The following OR5B17 variants were observed in gnomAD, a reference collection of about 807,000 sequenced individuals.
OR5B17 encodes the protein olfactory receptor family 5 subfamily B member 17, also known as olfactory receptor 5B17.
For synonymous variants in OR5B17, 150 were observed against 135.8 expected (o/e 1.10, Z -0.73); for missense variants, 444 against 378.7 (o/e 1.17, Z -1.43).
In OR5B17 at chr11:58,358,383, A is replaced by G. The variant is rs1854521947; in HGVS notation, c.687T>C (p.Gly229=). The change falls in exon 1 of 1, where the codon GGT becomes GGC. Residue 229 remains glycine (G), a synonymous_variant. Coordinates refer to ENST00000357377, the MANE Select transcript of OR5B17 (RefSeq NM_001005489.2). ...TAGATAAAGGCTTCTGGTATCCCTTACCTGTGTGCCTCTTAAGAATGGTGA... is the reference window on the plus strand; with the variant it reads ...TAGATAAAGGCTTCTGGTATCCCTTGCCTGTGTGCCTCTTAAGAATGGTGA... ...ILITILKRHT[G]KGYQKPLSTC... is the part of the protein sequence containing the mutation. 2 of 1,613,976 alleles carry G rather than the reference A, an allele frequency of 1.2e-6. No individual in the cohort carries two copies. Among genetic ancestry groups the G allele is most frequent in the Non-Finnish European group, 1.7e-6 (2 of 1,179,906 alleles).
In OR5B17 at chr11:58,358,594, C is replaced by T. The variant is rs1268611645; in HGVS notation, c.476G>A (p.Gly159Glu). 1.9e-6 allele frequency: 3 copies of T among 1,614,028 alleles called. No homozygotes were observed. The highest frequency in any genetic ancestry group is 2.2e-5 in the East Asian group (1 of 44,860). The change falls in exon 1 of 1, where the codon GGA (glycine) becomes GAA (glutamate). Residue 159 changes from glycine (G) to glutamate (E), a missense_variant. Transcript: ENST00000357377. Reference sequence around the variant, plus strand: ...GCAGAAAGAGAGGCGAAATGTATCTCCAATTTGGATAGAAGCATTCAGAAA... The same window carrying T: ...GCAGAAAGAGAGGCGAAATGTATCTTCAATTTGGATAGAAGCATTCAGAAA... ...IGFLNASIQI[G>E]DTFRLSFCMS...
rs1287872485 is a variant in OR5B17 at position 58,358,366 on chromosome 11, G to A, written c.704C>T (p.Pro235Leu). ...GAGGTGAGAACCACAGGTAGATAAA[G>A]GCTTCTGGTATCCCTTACCTGTGTG... is the stretch of plus-strand genomic sequence containing the variant. ...KRHTGKGYQK[P>L]LSTCGSHLIA... The change falls in exon 1 of 1, where the codon CCT becomes CTT. Residue 235 changes from proline to leucine, a missense_variant. Coordinates refer to ENST00000357377, the MANE Select transcript of OR5B17 (RefSeq NM_001005489.2). The A allele has an allele frequency of 4.3e-6, 7 of 1,613,490 alleles. No individual in the cohort carries two copies. In the East Asian group the frequency reaches 1.3e-4, roughly 31 times the overall value.
Position 58,358,709 on chromosome 11 carries a change from A to G in OR5B17, c.361T>C (p.Tyr121His). 1 of 1,614,156 alleles carries G rather than the reference A, an allele frequency of 6.2e-7. No homozygotes were observed. Among genetic ancestry groups the G allele is most frequent in the Non-Finnish European group, 8.5e-7 (1 of 1,180,024 alleles). Reference protein sequence around the residue: ...YLLSSMAYDRYAAVCNPLHYT... With the variant: ...YLLSSMAYDRHAAVCNPLHYT... ...TGTAGGGGGTTACACACTGCTGCGT[A>G]GCGGTCATAGGCCATTGAGGACAAG... The change falls in exon 1 of 1, where the codon TAC becomes CAC. Residue 121 changes from tyrosine to histidine, a missense_variant. By Grantham distance (83) the Tyr-to-His change is moderately conservative (BLOSUM62 2). Transcript: ENST00000357377.
In OR5B17 at chr11:58,358,981, G is replaced by A; in HGVS notation, c.89C>T (p.Thr30Ile). 2 of 1,612,918 alleles carry A rather than the reference G, an allele frequency of 1.2e-6. No homozygotes were observed. Among genetic ancestry groups the A allele is most frequent in the Non-Finnish European group, 1.7e-6 (2 of 1,179,606 alleles). The change falls in exon 1 of 1, where the codon ACC becomes ATC. Residue 30 changes from threonine to isoleucine, a missense_variant. Physicochemically the swap from Thr to Ile is moderately conservative, Grantham distance 89. Coordinates refer to ENST00000357377, the MANE Select transcript of OR5B17 (RefSeq NM_001005489.2). Reference sequence around the variant, plus strand: ...AGTCAGAGTGATGAGGTAGATGAGGGTAAACATGATAAAGAGGGGAACCTG... The same window carrying A: ...AGTCAGAGTGATGAGGTAGATGAGGATAAACATGATAAAGAGGGGAACCTG... ...ELQVPLFIMFTLIYLITLTGN... is the reference protein window; with the variant it reads ...ELQVPLFIMFILIYLITLTGN...
Position 58,358,403 on chromosome 11 carries a change from TG to T in OR5B17, c.666del (p.Ile223PhefsTer29). On this transcript the variant is annotated frameshift_variant, in exon 1 of 1. Transcript: ENST00000357377. LOFTEE classifies it low-confidence loss of function (END_TRUNC). ...CCCTTACCTGTGTGCCTCTTAAGAA[TG>T]GTGATCAATATGAACAGATAGGAAA... ...TLISYLFILI[T>X]ILKRHTGKGY... is the part of the protein sequence containing the mutation. The T allele has an allele frequency of 1.2e-6, 2 of 1,614,026 alleles. No homozygotes were observed. The highest frequency in any genetic ancestry group is 1.7e-6 in the Non-Finnish European group (2 of 1,179,994).
chr11:58,358,685 G>T lies in OR5B17; in HGVS notation c.385C>A (p.His129Asn), dbSNP rs529468345. 18 of 1,614,158 alleles carry T rather than the reference G, an allele frequency of 1.1e-5. No individual in the cohort carries two copies. In the South Asian group the frequency reaches 2.0e-4, roughly 18 times the overall value. Residue 129 changes from histidine to asparagine, a missense_variant, in exon 1 of 1, where the codon CAT (histidine) becomes AAT (asparagine). Coordinates refer to ENST00000357377, the MANE Select transcript of OR5B17 (RefSeq NM_001005489.2). ...CGTGTTGTCATGGTGGTGGTATAAT[G>T]TAGGGGGTTACACACTGCTGCGTAG... is the stretch of plus-strand genomic sequence containing the variant. ...DRYAAVCNPL[H>N]YTTTMTTRVC...
chr11:58,358,562 T>A lies in OR5B17; in HGVS notation c.508A>T (p.Asn170Tyr). ...DTFRLSFCMS[N>Y]VIHHFFCDKP... ...TCACAGAAAAAGTGATGAATCACAT[T>A]GGACATGCAGAAAGAGAGGCGAAAT... is the stretch of plus-strand genomic sequence containing the variant. The change falls in exon 1 of 1, where the codon AAT (asparagine) becomes TAT (tyrosine). Residue 170 changes from asparagine (N) to tyrosine (Y), a missense_variant. Coordinates refer to ENST00000357377, the MANE Select transcript of OR5B17 (RefSeq NM_001005489.2). The A allele has an allele frequency of 6.2e-7, 1 of 1,614,118 alleles. No homozygotes were observed. Among genetic ancestry groups the A allele is most frequent in the East Asian group, 2.2e-5 (1 of 44,870 alleles).
chr11:58,358,651 G>GCA lies in OR5B17; in HGVS notation c.417_418dup (p.Ala140ValfsTer6). 3.1e-6 allele frequency: 5 copies of GCA among 1,614,102 alleles called. No homozygotes were observed. Among genetic ancestry groups the GCA allele is most frequent in the Non-Finnish European group, 4.2e-6 (5 of 1,180,022 alleles). On this transcript the variant is annotated frameshift_variant, in exon 1 of 1. Transcript: ENST00000357377. LOFTEE classifies it low-confidence loss of function (END_TRUNC). The stretch of plus-strand genomic sequence containing the variant: ...GACATAACAGCCTATAGCCAGACAA[G>GCA]CACACACACGTGTTGTCATGGTGGT...
rs1565141873 is a variant in OR5B17, at chr11:58,358,478, CA to C, written c.591del (p.Val198PhefsTer16). On this transcript the variant is annotated frameshift_variant, in exon 1 of 1. Transcript: ENST00000357377. LOFTEE classifies it low-confidence loss of function (END_TRUNC). ...CSEKHISELI[L>X]VLISSFNVFF... ...AAGACATTAAAACTTGATATAAGAACAAGAATCAACTCACTAATGTGTTTCT... is the reference window on the plus strand; with the variant it reads ...AAGACATTAAAACTTGATATAAGAACAGAATCAACTCACTAATGTGTTTCT... The C allele has an allele frequency of 6.2e-7, 1 of 1,613,790 alleles. No homozygotes were observed. The highest frequency in any genetic ancestry group is 1.7e-5 in the Admixed American group (1 of 60,000).
Position 58,358,981 on chromosome 11 carries a change from G to T in OR5B17, c.89C>A (p.Thr30Asn). Residue 30 changes from threonine to asparagine, a missense_variant, in exon 1 of 1, where the codon ACC (threonine) becomes AAC (asparagine). Transcript: ENST00000357377. ...ELQVPLFIMF[T>N]LIYLITLTGN... is the part of the protein sequence containing the mutation. ...AGTCAGAGTGATGAGGTAGATGAGGGTAAACATGATAAAGAGGGGAACCTG... is the reference window on the plus strand; with the variant it reads ...AGTCAGAGTGATGAGGTAGATGAGGTTAAACATGATAAAGAGGGGAACCTG... 6.2e-7 allele frequency: 1 copy of T among 1,612,918 alleles called. No homozygotes were observed. Among genetic ancestry groups the T allele is most frequent in the Non-Finnish European group, 8.5e-7 (1 of 1,179,606 alleles).
Position 58,358,447 on chromosome 11 carries a change from G to A in OR5B17, c.623C>T (p.Ala208Val). Residue 208 changes from alanine to valine, a missense_variant, in exon 1 of 1, where the codon GCA (alanine) becomes GTA (valine). By Grantham distance (64) the Ala-to-Val change is moderately conservative. Transcript: ENST00000357377. Reference sequence around the variant, plus strand: ...ATAGGAAATCAAGGTAACAAGAAGTGCAAAAAAGACATTAAAACTTGATAT... The same window carrying A: ...ATAGGAAATCAAGGTAACAAGAAGTACAAAAAAGACATTAAAACTTGATAT... The part of the protein sequence containing the change: ...VLISSFNVFF[A>V]LLVTLISYLF... The A allele has an allele frequency of 1.9e-6, 3 of 1,613,730 alleles. No individual in the cohort carries two copies. The highest frequency in any genetic ancestry group is 4.5e-5 in the East Asian group (2 of 44,840).
chr11:58,358,820 G>T lies in OR5B17; in HGVS notation c.250C>A (p.Leu84Ile), dbSNP rs1156486687. The T allele has an allele frequency of 6.2e-7, 1 of 1,613,984 alleles. No homozygotes were observed. Among genetic ancestry groups the T allele is most frequent in the African/African-American group, 1.3e-5 (1 of 74,922 alleles). The change falls in exon 1 of 1, where the codon CTT (leucine) becomes ATT (isoleucine). Residue 84 changes from leucine (L) to isoleucine (I), a missense_variant. Transcript: ENST00000357377. ...TAGGAGATGGCTTTGTCTTCTATAA[G>T]CAACCCAGTTAAAACCTTTGGAGTG... ...AVTPKVLTGL[L>I]IEDKAISYSA...
Position 58,359,040 on chromosome 11 carries a change from G to A in OR5B17, c.30C>T (p.Phe10=). Residue 10 remains phenylalanine (F), a synonymous_variant, in exon 1 of 1, where the codon TTC becomes TTT. Coordinates refer to ENST00000357377, the MANE Select transcript of OR5B17 (RefSeq NM_001005489.2). The part of the protein sequence containing the change: MENNTEVSE[F]ILLGLTNAPE... ...GGGCATTGGTTAGACCAAGCAGGAT[G>A]AATTCACTCACCTCTGTATTATTCT... 6.2e-7 allele frequency: 1 copy of A among 1,602,406 alleles called. No homozygotes were observed. The highest frequency in any genetic ancestry group is 8.5e-7 in the Non-Finnish European group (1 of 1,177,486).
rs766485565 is a variant in OR5B17 at position 58,359,024 on chromosome 11, T to G, written c.46A>C (p.Thr16Pro). ...EVSEFILLGL[T>P]NAPELQVPLF... Reference sequence around the variant, plus strand: ...GGAACCTGTAGTTCTGGGGCATTGGTTAGACCAAGCAGGATGAATTCACTC... The same window carrying G: ...GGAACCTGTAGTTCTGGGGCATTGGGTAGACCAAGCAGGATGAATTCACTC... The change falls in exon 1 of 1, where the codon ACC becomes CCC. Residue 16 changes from threonine to proline, a missense_variant. Coordinates refer to ENST00000357377, the MANE Select transcript of OR5B17 (RefSeq NM_001005489.2). The G allele has an allele frequency of 1.2e-6, 2 of 1,608,398 alleles. No homozygotes were observed. Among genetic ancestry groups the G allele is most frequent in the South Asian group, 2.2e-5 (2 of 90,826 alleles).
rs1307462297 is a variant in OR5B17 at position 58,358,415 on chromosome 11, T to C, written c.655A>G (p.Ile219Val). The change falls in exon 1 of 1, where the codon ATA (isoleucine) becomes GTA (valine). Residue 219 changes from isoleucine to valine, a missense_variant. Physicochemically the swap from Ile to Val is conservative, Grantham distance 29. Coordinates refer to ENST00000357377, the MANE Select transcript of OR5B17 (RefSeq NM_001005489.2). Reference sequence around the variant, plus strand: ...TGCCTCTTAAGAATGGTGATCAATATGAACAGATAGGAAATCAAGGTAACA... The same window carrying C: ...TGCCTCTTAAGAATGGTGATCAATACGAACAGATAGGAAATCAAGGTAACA... ...LLVTLISYLF[I>V]LITILKRHTG... 4 of 1,614,046 alleles carry C rather than the reference T, an allele frequency of 2.5e-6. No homozygotes were observed. Among genetic ancestry groups the C allele is most frequent in the Non-Finnish European group, 3.4e-6 (4 of 1,179,980 alleles).
In OR5B17 at chr11:58,358,967, T is replaced by C. The variant is rs1854538492; in HGVS notation, c.103A>G (p.Ile35Val). ...LFIMFTLIYLITLTGNLGMII... is the reference protein window; with the variant it reads ...LFIMFTLIYLVTLTGNLGMII... ...ATCCCCAGGTTCCCAGTCAGAGTGATGAGGTAGATGAGGGTAAACATGATA... is the reference window on the plus strand; with the variant it reads ...ATCCCCAGGTTCCCAGTCAGAGTGACGAGGTAGATGAGGGTAAACATGATA... The change falls in exon 1 of 1, where the codon ATC becomes GTC. Residue 35 changes from isoleucine to valine, a missense_variant. Ile to Val is a conservative substitution (Grantham distance 29, BLOSUM62 3). Coordinates refer to ENST00000357377, the MANE Select transcript of OR5B17 (RefSeq NM_001005489.2). The C allele has an allele frequency of 1.2e-6, 2 of 1,613,442 alleles. No homozygotes were observed. The highest frequency in any genetic ancestry group is 2.2e-5 in the South Asian group (2 of 91,048).
chr11:58,358,795 T>C lies in OR5B17; in HGVS notation c.275A>G (p.Tyr92Cys), dbSNP rs746890505. 6.2e-7 allele frequency: 1 copy of C among 1,614,118 alleles called. No homozygotes were observed. Among genetic ancestry groups the C allele is most frequent in the Non-Finnish European group, 8.5e-7 (1 of 1,180,018 alleles). ...GLLIEDKAIS[Y>C]SACAAQMFFC... ...GAACATCTGAGCAGCACAGGCACTG[T>C]AGGAGATGGCTTTGTCTTCTATAAG... The change falls in exon 1 of 1, where the codon TAC (tyrosine) becomes TGC (cysteine). Residue 92 changes from tyrosine to cysteine, a missense_variant. Transcript: ENST00000357377.
rs1385405685 is a variant in OR5B17, at chr11:58,358,264, T to A, written c.806A>T (p.Asp269Val). ...AGTGTAGAACACAGATGCAATTTTG[T>A]CTGTGTCCATGGAATGACTGGAACT... ...RPSSSHSMDT[D>V]KIASVFYTMI... Residue 269 changes from aspartate (D) to valine (V), a missense_variant, in exon 1 of 1, where the codon GAC becomes GTC. Asp to Val is a radical substitution (Grantham distance 152). Coordinates refer to ENST00000357377, the MANE Select transcript of OR5B17 (RefSeq NM_001005489.2). 6.2e-7 allele frequency: 1 copy of A among 1,613,952 alleles called. No individual in the cohort carries two copies. The highest frequency in any genetic ancestry group is 1.1e-5 in the South Asian group (1 of 91,072).
rs770258520 is a variant in OR5B17 at position 58,358,908 on chromosome 11, G to T, written c.162C>A (p.His54Gln). ...TACTGAGAAAAAAGTACATGGGAGT[G>T]TGGAGATGAGAGTCCAGCAGGATTA... ...IILILLDSHL[H>Q]TPMYFFLSNL... The change falls in exon 1 of 1, where the codon CAC becomes CAA. Residue 54 changes from histidine to glutamine, a missense_variant. By Grantham distance (24) the His-to-Gln change is conservative (BLOSUM62 0). Coordinates refer to ENST00000357377, the MANE Select transcript of OR5B17 (RefSeq NM_001005489.2). The T allele has an allele frequency of 6.2e-7, 1 of 1,614,098 alleles. No individual in the cohort carries two copies. Among genetic ancestry groups the T allele is most frequent in the Non-Finnish European group, 8.5e-7 (1 of 1,180,012 alleles).
Sources: gnomAD v4.1 joint callset for allele counts on GRCh38, gnomAD v4.1.1 for gene constraint, MANE v1.5 for transcripts, NCBI Gene and HGNC (gene_info 2026-07-23, HGNC 2026-07-21) for gene names.